AHI1: variants seen among roughly 807,000 people sequenced by gnomAD.
AHI1 encodes the protein Abelson helper integration site 1.
A neutral mutation model predicts 149.3 loss-of-function variants in AHI1; 123 were observed. The observed-to-expected ratio is 0.82, with a 90% CI of 0.71 to 0.96. The LOEUF (loss-of-function observed/expected upper bound fraction) is 0.96. AHI1 is among the 40% of genes least tolerant of loss of function. AHI1 has a pLI of 0.00. For synonymous variants in AHI1, 475 were observed against 459.8 expected, an observed-to-expected ratio of 1.03 and a Z score of -0.42; for missense variants, 1,439 against 1,422.7, an observed-to-expected ratio of 1.01 and a Z score of -0.18.
intron 21 of AHI1, 94 bp downstream of exon 21, chr6:135,411,254 T>C: frequency 8.3e-7 from 1 of 1,201,318 alleles, no homozygotes; most frequent in Non-Finnish European, 1.2e-6. Context: ...TTTTAAGTAA[T>C]TAACTTACTT....
At chr6:135,318,646 C>A (rs775508831) in intron 25 of AHI1, 30 bp from the exon 26 acceptor site, 20 of 1,454,758 alleles carry the variant, frequency 1.4e-5, no homozygotes, top group Non-Finnish European at 1.8e-5. Context: ...TTCATGTAAT[C>A]AAATTGAGGA....
chr6:135,428,672 A>C lies in AHI1; in HGVS notation c.2580T>G (p.Ala860=). ...CATACACTATACCATCCTCACTTCCAGCAAACAGAAAAGTCCCACATGGAG... is the reference window on the plus strand; with the variant it reads ...CATACACTATACCATCCTCACTTCCCGCAAACAGAAAAGTCCCACATGGAG... The part of the protein sequence containing the change: ...TLTPCGTFLF[A]GSEDGIVYVW... Residue 860 remains alanine (A), a synonymous_variant, in exon 19 of 29, where the codon GCT becomes GCG. Transcript: ENST00000265602. The C allele has an allele frequency of 6.2e-7, 1 of 1,609,188 alleles. No homozygotes were observed. Among genetic ancestry groups the C allele is most frequent in the South Asian group, 1.1e-5 (1 of 90,342 alleles).
At chr6:135,367,233 TTAATC>T (rs1424893246) in intron 23 of AHI1, among the ~76,000 whole-genome samples, 1 of 152,228 alleles carries the variant, frequency 6.6e-6, no homozygotes, top group Non-Finnish European at 1.5e-5. Flanking sequence ...AAATCTGCTG[TTAATC>T]TGACAGATTT....
At chr6:135,389,770 A>G (rs190620474) in intron 23 of AHI1, among the ~76,000 whole-genome samples, 8 of 152,370 alleles carry the variant, frequency 5.3e-5, no homozygotes, top group Admixed American at 4.6e-4. Context: ...TAAAAATGAA[A>G]TATGCTGTCC....
At chr6:135,470,940 C>T (rs759597074) in intron 5 of AHI1, among the ~76,000 whole-genome samples, 85 of 152,146 alleles carry the variant, frequency 5.6e-4, no homozygotes, top group Middle Eastern at 3.2e-3. Flanking sequence ...GAAAAAATTG[C>T]TATTTGTTTC....
At chr6:135,395,383 T>C (rs571624719) in intron 22 of AHI1, among the ~76,000 whole-genome samples, 3 of 152,050 alleles carry the variant, frequency 2.0e-5, no homozygotes, top group South Asian at 2.1e-4. Flanking sequence ...TAGCTTGCCA[T>C]GTGAAATAGT....
intron 24 of AHI1, among the ~76,000 whole-genome samples, chr6:135,356,779 T>C (rs1793039449): frequency 1.3e-5 from 2 of 152,222 alleles, no homozygotes; most frequent in Non-Finnish European, 2.9e-5. Context: ...TTTTAATGAT[T>C]ATGCTAATTC....
chr6:135,363,671 C>T (rs1303713582), intron 23 of AHI1, among the ~76,000 whole-genome samples: 7 of 145,946 alleles, frequency 4.8e-5, no homozygotes, highest in Admixed American at 6.7e-5. Context: ...GCTGGCCGGG[C>T]GGGGGGCTGA....
At chr6:135,449,640 G>A (rs1184336916) in intron 11 of AHI1, among the ~76,000 whole-genome samples, 7 of 151,988 alleles carry the variant, frequency 4.6e-5, no homozygotes, top group African/African-American at 1.7e-4. Context: ...TGAGTGCAGG[G>A]AACACATTTA....
chr6:135,476,296 T>C (rs13195593), intron 5 of AHI1, among the ~76,000 whole-genome samples: 1 of 152,114 alleles, frequency 6.6e-6, no homozygotes, highest in Non-Finnish European at 1.5e-5. Context: ...GATGCTGTTG[T>C]GGCCTAAGAA....
intron 26 of AHI1, among the ~76,000 whole-genome samples, chr6:135,303,144 T>C (rs1441133769): frequency 6.6e-6 from 1 of 152,214 alleles, no homozygotes; most frequent in Non-Finnish European, 1.5e-5. Context: ...AATGATTAAA[T>C]GCTTCCACTG....
chr6:135,330,723 G>A (rs1788452437), intron 24 of AHI1, among the ~76,000 whole-genome samples: 1 of 152,204 alleles, frequency 6.6e-6, no homozygotes, highest in East Asian at 1.9e-4. Context: ...CATTCAGTTA[G>A]GATTATTCCC....
chr6:135,355,501 A>T (rs1015566006), intron 24 of AHI1, among the ~76,000 whole-genome samples: 8 of 152,330 alleles, frequency 5.3e-5, no homozygotes, highest in African/African-American at 1.9e-4. Context: ...TATTTACTGA[A>T]GGGACACTGG....
chr6:135,455,134 C>T (rs149146379), intron 10 of AHI1, among the ~76,000 whole-genome samples: 4 of 152,094 alleles, frequency 2.6e-5, no homozygotes, highest in Non-Finnish European at 4.4e-5. Context: ...ACTTAAAATT[C>T]GAGTAACTTT....
chr6:135,364,121 C>T (rs1794484668), intron 23 of AHI1, among the ~76,000 whole-genome samples: 1 of 151,948 alleles, frequency 6.6e-6, no homozygotes, highest in African/African-American at 2.4e-5. Flanking sequence ...CGGAGATGCT[C>T]CTCACTTCCC....
rs367736269 is a variant in AHI1 at position 135,490,630 on chromosome 6, T to C, written c.128A>G (p.Asn43Ser). 4.3e-6 allele frequency: 7 copies of C among 1,613,556 alleles called. No individual in the cohort carries two copies. The highest frequency in any genetic ancestry group is 5.9e-6 in the Non-Finnish European group (7 of 1,179,726). The change falls in exon 5 of 29, where the codon AAC becomes AGC. Residue 43 changes from asparagine to serine, a missense_variant. By Grantham distance (46) the Asn-to-Ser change is conservative (BLOSUM62 1). Transcript: ENST00000265602. ...LKKKLVRSEENISPDTIRSNL... is the reference protein window; with the variant it reads ...LKKKLVRSEESISPDTIRSNL... ...CAATGATCATTTACTTACTGAGATG[T>C]TTTCTTCAGACCTGACAAGTTTTTT...
chr6:135,315,443 T>C (rs993446684), intron 26 of AHI1, among the ~76,000 whole-genome samples: 1 of 152,202 alleles, frequency 6.6e-6, no homozygotes, highest in Non-Finnish European at 1.5e-5. Flanking sequence ...TCTGCCAATC[T>C]TCTGATTCTA....
At chr6:135,314,317 A>T (rs1785628435) in intron 26 of AHI1, among the ~76,000 whole-genome samples, 1 of 152,196 alleles carries the variant, frequency 6.6e-6, no homozygotes, top group African/African-American at 2.4e-5. Flanking sequence ...CCCAGTGAGG[A>T]TAAGTGAGGT....
At chr6:135,492,459 G>T in intron 3 of AHI1, 168 bp from the exon 4 acceptor site, 1 of 1,254,498 alleles carries the variant, frequency 8.0e-7, no homozygotes. Context: ...GGGTACATTT[G>T]AATCAGTTTA....
Sources: gnomAD v4.1 joint callset for allele counts (sites outside exome capture counted in the v4.1 genomes callset) on GRCh38, gnomAD v4.1.1 for gene constraint, MANE v1.5 for transcripts, NCBI Gene and HGNC (gene_info 2026-07-23, HGNC 2026-07-21) for gene names.